The following PLEKHG7 variants were observed in gnomAD, a reference collection of about 807,000 sequenced individuals.
PLEKHG7 encodes pleckstrin homology domain-containing family G member 7.
Under a neutral mutation model 85.2 loss-of-function variants are expected in PLEKHG7, and 77 were observed. The ratio of observed to expected loss-of-function variants is 0.90; its 90% CI spans 0.75 to 1.09. The LOEUF is 1.09. PLEKHG7 is among the 50% of genes least tolerant of loss of function. The pLI is 0.00. For missense variants in PLEKHG7, 777 were observed against 804.3 expected (o/e 0.97, Z 0.41); for synonymous variants, 301 against 302.4 (o/e 1.00, Z 0.05).
intron 16 of PLEKHG7, among the ~76,000 whole-genome samples, 153 bp downstream of exon 16, chr12:92,769,233 C>A (rs1873323321): frequency 6.6e-6 from 1 of 152,098 alleles, no homozygotes; most frequent in Non-Finnish European, 1.5e-5. Context: ...TACATCTAGT[C>A]CATATAATGC....
chr12:92,770,049 C>T (rs1488915443), intron 16 of PLEKHG7, 39 bp from the exon 17 acceptor site: 13 of 1,316,428 alleles, frequency 9.9e-6, no homozygotes, highest in Non-Finnish European at 1.4e-5. Flanking sequence ...GCTTAACATT[C>T]TAATCTCTAT....
At position 92,706,579 on chromosome 12, in the gene PLEKHG7, G is replaced by A; in HGVS notation, c.-53G>A. On this transcript the variant is annotated 5_prime_UTR_variant, in exon 2 of 17. Transcript: ENST00000344636. The stretch of plus-strand genomic sequence containing the variant: ...CACCCTCCATGTGATCCAGAGAACA[G>A]CAACTCATACGTCTTCTGGAACCTT... 6.5e-7 allele frequency: 1 copy of A among 1,526,796 alleles called. No individual in the cohort carries two copies. Among genetic ancestry groups the A allele is most frequent in the Non-Finnish European group, 8.8e-7 (1 of 1,140,934 alleles). The allele number at this position is 1,526,796 out of a possible 1,614,324, so 94.6% of individuals were successfully genotyped here.
rs1401019116 is a variant in PLEKHG7 at position 92,761,630 on chromosome 12, GAAAGA to G, written c.1637-119_1637-115del. On this transcript the variant is annotated intron_variant, in intron 13 of 16. Coordinates refer to ENST00000344636, the MANE Select transcript of PLEKHG7 (RefSeq NM_001377329.1). ...GAAAAAGAAAGAAAGAAAGAAGAAA[GAAAGA>G]AAGAAAGAAAGAAAGAAAGAAAGAA... is the stretch of plus-strand genomic sequence containing the variant. 1.5e-3 allele frequency: 208 copies of G among 135,222 alleles called. 1 individual carries two copies. The highest frequency in any genetic ancestry group is 0.013 in the African/African-American group (122 of 9,352). The allele number at this position is 135,222 out of a possible 1,614,324, so 8.4% of individuals were successfully genotyped here.
In PLEKHG7 at chr12:92,761,816, T is replaced by C. The variant is rs1237238223; in HGVS notation, c.1701T>C (p.Thr567=). ...LFNDFLLVTK[T]KCNKKKLGGS... ...ATGATTTCCTCTTAGTTACGAAAAC[T>C]AAGTGCAACAAAAAGGTAAAATGCT... The change falls in exon 14 of 17, where the codon ACT becomes ACC. Residue 567 remains threonine (T), a synonymous_variant. Transcript: ENST00000344636. 4 of 1,577,112 alleles carry C rather than the reference T, an allele frequency of 2.5e-6. No individual in the cohort carries two copies. In the Admixed American group the frequency reaches 5.8e-5, roughly 23 times the overall value.
intron 3 of PLEKHG7, among the ~76,000 whole-genome samples, chr12:92,727,794 T>C (rs1871857035): frequency 6.6e-6 from 1 of 151,918 alleles, no homozygotes; most frequent in African/African-American, 2.4e-5. Context: ...TTTCACCATA[T>C]TGGTCAGGCT....
At chr12:92,718,691 G>T (rs1409116961) in intron 3 of PLEKHG7, among the ~76,000 whole-genome samples, 1 of 152,094 alleles carries the variant, frequency 6.6e-6, no homozygotes, top group African/African-American at 2.4e-5. Context: ...TTTTGTGCTT[G>T]TCTCTGAGTG....
At chr12:92,710,131 T>C (rs1462119942) in intron 3 of PLEKHG7, among the ~76,000 whole-genome samples, 1 of 152,132 alleles carries the variant, frequency 6.6e-6, no homozygotes, top group Non-Finnish European at 1.5e-5. Flanking sequence ...CTAGGGGTGA[T>C]GATGAGTAGT....
chr12:92,725,242 C>A (rs1871759905), intron 3 of PLEKHG7, among the ~76,000 whole-genome samples: 1 of 152,142 alleles, frequency 6.6e-6, no homozygotes, highest in South Asian at 2.1e-4. Context: ...TGGGGAATTA[C>A]AATGCATTCC....
rs879796836 is a variant in PLEKHG7, at chr12:92,766,613, CGGGCAAAT to C, written c.1871-2369_1871-2362del. Among the ~76,000 whole-genome samples the C allele has an allele frequency of 8.8e-3, 1,337 of 151,938 alleles. 9 individuals are homozygous for C. Among genetic ancestry groups the C allele is most frequent in the Non-Finnish European group, 0.014 (962 of 67,968 alleles). ...ATCCCAGTACTTTGGTAGGCTGAGG[CGGGCAAAT>C]CACTTGAGGTCAGGAGTTCAAGACC... On this transcript the variant is annotated intron_variant, in intron 15 of 16. Transcript: ENST00000344636.
intron 15 of PLEKHG7, among the ~76,000 whole-genome samples, chr12:92,766,399 C>A (rs1873197912): frequency 2.0e-5 from 3 of 152,182 alleles, no homozygotes. Flanking sequence ...GAAGAGGATG[C>A]AGCTTGGCTG....
intron 10 of PLEKHG7, among the ~76,000 whole-genome samples, chr12:92,749,926 ATT>A (rs1171322619): frequency 7.1e-4 from 75 of 105,222 alleles, no homozygotes; most frequent in African/African-American, 2.9e-3. Context: ...ATTTTATTTT[ATT>A]TATTTTATTT....
chr12:92,719,116 G>T, intron 3 of PLEKHG7, among the ~76,000 whole-genome samples: 1 of 152,136 alleles, frequency 6.6e-6, no homozygotes, highest in East Asian at 1.9e-4. Context: ...GGAAACCATA[G>T]TCGAACATAC....
intron 3 of PLEKHG7, among the ~76,000 whole-genome samples, chr12:92,718,926 C>T (rs1472351417): frequency 1.3e-5 from 2 of 152,182 alleles, no homozygotes; most frequent in East Asian, 3.8e-4. Flanking sequence ...TCTTAAGAGG[C>T]ATCTCTGTTC....
intron 1 of PLEKHG7, among the ~76,000 whole-genome samples, chr12:92,703,748 G>A (rs1372127647): frequency 5.3e-5 from 8 of 152,162 alleles, no homozygotes; most frequent in Non-Finnish European, 4.4e-5. Flanking sequence ...GCATCATGTC[G>A]GCAGTTACTA....
chr12:92,756,147 G>A (rs1872822270), intron 12 of PLEKHG7, 151 bp from the exon 13 acceptor site: 1 of 704,306 alleles, frequency 1.4e-6, no homozygotes, highest in Admixed American at 2.8e-5. Flanking sequence ...CTTCTGAGAG[G>A]GTTTTTCATT....
intron 14 of PLEKHG7, among the ~76,000 whole-genome samples, chr12:92,763,468 C>T (rs1370573364): frequency 6.6e-6 from 1 of 152,096 alleles, no homozygotes; most frequent in Non-Finnish European, 1.5e-5. Context: ...TTAAATGTTT[C>T]CCAGTTATGG....
At position 92,770,292 on chromosome 12, in the gene PLEKHG7, G is replaced by T; in HGVS notation, c.*97G>T. ...ACACTTAGCTAGTGATAAGCTAGAA[G>T]GAAATTTGCATTTTAAAGAAGTTTC... is the stretch of plus-strand genomic sequence containing the variant. On this transcript the variant is annotated 3_prime_UTR_variant, in exon 17 of 17. Transcript: ENST00000344636. The T allele has an allele frequency of 1.1e-6, 1 of 934,132 alleles. No homozygotes were observed. Among genetic ancestry groups the T allele is most frequent in the Admixed American group, 2.7e-5 (1 of 36,402 alleles). The allele number at this position is 934,132 out of a possible 1,614,324, so 57.9% of individuals were successfully genotyped here. A position where few individuals can be genotyped will look rare whatever the true frequency, so the allele number is the denominator to read the frequency against.
chr12:92,769,110 T>TTGAAGA, intron 16 of PLEKHG7, 30 bp downstream of exon 16: 2 of 1,457,682 alleles, frequency 1.4e-6, no homozygotes, highest in Non-Finnish European at 1.9e-6. Flanking sequence ...AGGTCTTTGA[T>TTGAAGA]TCTTCAGAGT....
Position 92,706,629 on chromosome 12 carries a change from T to G in PLEKHG7, c.-3T>G. The G allele has an allele frequency of 6.2e-7, 1 of 1,602,832 alleles. No homozygotes were observed. The highest frequency in any genetic ancestry group is 1.1e-5 in the South Asian group (1 of 89,512). On this transcript the variant is annotated 5_prime_UTR_variant, in exon 2 of 17. Transcript: ENST00000344636. ...TCTACCAACAGTAGAACCTCTTAGC[T>G]TTATGGAGAAAACAGAGTCATTCTG...
Sources: gnomAD v4.1 joint callset for allele counts (sites outside exome capture counted in the v4.1 genomes callset) on GRCh38, gnomAD v4.1.1 for gene constraint, MANE v1.5 for transcripts, NCBI Gene and HGNC (gene_info 2026-07-23, HGNC 2026-07-21) for gene names.